F5: variants seen among roughly 807,000 people sequenced by gnomAD.
F5 encodes coagulation factor V.
Under a neutral mutation model 216.4 loss-of-function variants are expected in F5, and 138 were observed. The observed-to-expected ratio is 0.64, with a 90% CI of 0.56 to 0.73. The LOEUF is 0.73. Ranked by LOEUF, F5 falls within the 30% of genes least tolerant of loss-of-function variation. The pLI is 0.00. For synonymous variants in F5, 916 were observed against 930.7 expected (o/e 0.98, Z 0.29); for missense variants, 2,403 against 2,674.0 (o/e 0.90, Z 2.24).
At position 169,550,032 on chromosome 1, in the gene F5, T is replaced by C; in HGVS notation, c.1397-17A>G. 6 of 1,605,364 alleles carry C rather than the reference T, an allele frequency of 3.7e-6. No individual in the cohort carries two copies. The highest frequency in any genetic ancestry group is 5.1e-6 in the Non-Finnish European group (6 of 1,172,906). ...TGTTCCTGCCTGAAAGAAAATATATTCAAAATTGTTTTCATTTGCAAAGTT... is the reference window on the plus strand; with the variant it reads ...TGTTCCTGCCTGAAAGAAAATATATCCAAAATTGTTTTCATTTGCAAAGTT... On this transcript the variant is annotated splice_polypyrimidine_tract_variant and intron_variant, in intron 9 of 24. Coordinates refer to ENST00000367797, the MANE Select transcript of F5 (RefSeq NM_000130.5).
rs79186925 is a variant in F5, at chr1:169,546,698, T to C, written c.1612-106A>G. On this transcript the variant is annotated intron_variant, in intron 10 of 24. Coordinates refer to ENST00000367797, the MANE Select transcript of F5 (RefSeq NM_000130.5). ...GCTGCGCACCTACAACTATCTGATC[T>C]GTGACAAAAGCAAGCAATAGGGAAA... The C allele has an allele frequency of 0.24, 245,422 of 1,010,376 alleles. 31,401 individuals are homozygous for C. Among genetic ancestry groups the C allele is most frequent in the Admixed American group, 0.39 (21,167 of 54,466 alleles). 62.6% of individuals were successfully genotyped at this position (1,010,376 alleles called of 1,614,324 possible).
intron 3 of F5, among the ~76,000 whole-genome samples, chr1:169,570,619 C>T (rs1660701318): frequency 6.6e-6 from 1 of 152,086 alleles, no homozygotes; most frequent in African/African-American, 2.4e-5. Context: ...GAAGGTAGTT[C>T]ATTGACCTAT....
intron 4 of F5, 36 bp from the exon 5 acceptor site, chr1:169,559,332 A>G: frequency 6.2e-7 from 1 of 1,611,596 alleles, no homozygotes; most frequent in Non-Finnish European, 8.5e-7. Flanking sequence ...GTAGCACTGC[A>G]GATAGAAGAC....
At chr1:169,525,530 G>A (rs1571562407) in intron 18 of F5, among the ~76,000 whole-genome samples, 1 of 152,174 alleles carries the variant, frequency 6.6e-6, no homozygotes, top group African/African-American at 2.4e-5. Context: ...CAGATGGACA[G>A]ATGAAAACTG....
chr1:169,567,886 T>C (rs1164792691), intron 3 of F5, among the ~76,000 whole-genome samples: 1 of 152,106 alleles, frequency 6.6e-6, no homozygotes, highest in Non-Finnish European at 1.5e-5. Context: ...TAGAACACAC[T>C]GTCAATCTGG....
Position 169,568,725 on chromosome 1 carries a change from T to C in F5, c.373+3496A>G, listed in dbSNP as rs147977922. ...TCAGTCGATAGTCAGCTTTGTATTG[T>C]ATTTATTCTTGTCATGATGTACTAA... On this transcript the variant is annotated intron_variant, in intron 3 of 24. Transcript: ENST00000367797. Among the ~76,000 whole-genome samples the C allele has an allele frequency of 3.9e-4, 59 of 152,244 alleles. No individual in the cohort carries two copies. The East Asian group carries it at 0.011, about 28-fold the overall frequency.
intron 3 of F5, among the ~76,000 whole-genome samples, chr1:169,569,481 G>A (rs138482806): frequency 8.9e-4 from 136 of 152,056 alleles, no homozygotes; most frequent in African/African-American, 3.0e-3. Context: ...TGACCAAAAC[G>A]ACTTTGAAAA....
At chr1:169,555,026 G>A (rs745893079) in intron 7 of F5, among the ~76,000 whole-genome samples, 156 bp downstream of exon 7, 1 of 152,094 alleles carries the variant, frequency 6.6e-6, no homozygotes, top group Non-Finnish European at 1.5e-5. Flanking sequence ...GGTGATTTGG[G>A]GGTAATTCAA....
Position 169,556,630 on chromosome 1 carries a change from C to A in F5, c.952+16G>T, listed in dbSNP as rs1488790341. ...ATTCTGCATTGAGAAGCAAGACTGTCAGGAGAGTTTCTTGCCTTGCAAATG... is the reference window on the plus strand; with the variant it reads ...ATTCTGCATTGAGAAGCAAGACTGTAAGGAGAGTTTCTTGCCTTGCAAATG... On this transcript the variant is annotated intron_variant, in intron 6 of 24. Coordinates refer to ENST00000367797, the MANE Select transcript of F5 (RefSeq NM_000130.5). 2.5e-6 allele frequency: 4 copies of A among 1,612,224 alleles called. No homozygotes were observed. Among genetic ancestry groups the A allele is most frequent in the South Asian group, 1.1e-5 (1 of 91,028 alleles).
At chr1:169,548,632 C>G (rs1277242138) in intron 10 of F5, among the ~76,000 whole-genome samples, 3 of 152,138 alleles carry the variant, frequency 2.0e-5, no homozygotes, top group African/African-American at 7.2e-5. Context: ...CTTTGGGAGG[C>G]TGAGGCAGGT....
chr1:169,551,723 A>C (rs1164737015), intron 8 of F5, among the ~76,000 whole-genome samples: 1 of 152,226 alleles, frequency 6.6e-6, no homozygotes, highest in East Asian at 1.9e-4. Flanking sequence ...TTGATTGTCA[A>C]AGCCTTTGGA....
intron 2 of F5, among the ~76,000 whole-genome samples, chr1:169,573,459 C>T (rs181767399): frequency 3.9e-5 from 6 of 152,168 alleles, no homozygotes; most frequent in South Asian, 4.1e-4. Flanking sequence ...TGTAGCAGAA[C>T]GTGATGAGTA....
At position 169,556,821 on chromosome 1, in the gene F5, T is replaced by C. The variant is rs745780860; in HGVS notation, c.777A>G (p.Gly259=). The C allele has an allele frequency of 6.2e-7, 1 of 1,614,010 alleles. No individual in the cohort carries two copies. The highest frequency in any genetic ancestry group is 2.2e-5 in the East Asian group (1 of 44,876). ...AGAATAATTCTGGCCCCGAGCTCAT[T>C]CCCAGCAGATGCCAGCTGATGTGGT... ...AHDHISWHLL[G]MSSGPELFSI... is the part of the protein sequence containing the mutation. Residue 259 remains glycine, a synonymous_variant, in exon 6 of 25, where the codon GGA becomes GGG. Transcript: ENST00000367797.
At position 169,555,198 on chromosome 1, in the gene F5, G is replaced by C. The variant is rs758077715; in HGVS notation, c.1102C>G (p.Pro368Ala). 6.2e-7 allele frequency: 1 copy of C among 1,614,022 alleles called. No individual in the cohort carries two copies. The highest frequency in any genetic ancestry group is 8.5e-7 in the Non-Finnish European group (1 of 1,179,974). Residue 368 changes from proline (P) to alanine (A), a missense_variant, in exon 7 of 25, where the codon CCA (proline) becomes GCA (alanine). Physicochemically the swap from Pro to Ala is conservative, Grantham distance 27. Coordinates refer to ENST00000367797, the MANE Select transcript of F5 (RefSeq NM_000130.5). The part of the protein sequence containing the change: ...EVIWDYAPVI[P>A]ANMDKKYRSQ... The stretch of plus-strand genomic sequence containing the variant: ...ACAACTCACTTGTCCATATTCGCTG[G>C]TATTACAGGTGCATAGTCCCAAATG...
At chr1:169,582,961 T>C (rs1266517487) in intron 1 of F5, among the ~76,000 whole-genome samples, 2 of 152,224 alleles carry the variant, frequency 1.3e-5, no homozygotes, top group African/African-American at 4.8e-5. Context: ...TGGTGGAATT[T>C]ATTTCTAGTT....
Position 169,515,546 on chromosome 1 carries a change from C to T in F5, c.6426G>A (p.Lys2142=). 2 of 1,613,564 alleles carry T rather than the reference C, an allele frequency of 1.2e-6. No individual in the cohort carries two copies. The highest frequency in any genetic ancestry group is 8.5e-7 in the Non-Finnish European group (1 of 1,179,674). Residue 2142 remains lysine, a synonymous_variant, in exon 24 of 25, where the codon AAG becomes AAA. Coordinates refer to ENST00000367797, the MANE Select transcript of F5 (RefSeq NM_000130.5). The part of the protein sequence containing the change: ...KITAIITQGC[K]SLSSEMYVKS... ...TTACATACATTTCAGAGGACAGAGA[C>T]TTGCAGCCCTGTGTTATAATTGCCG...
At position 169,542,273 on chromosome 1, in the gene F5, T is replaced by A. The variant is rs1659876011; in HGVS notation, c.2817A>T (p.Ser939=). 2.5e-6 allele frequency: 4 copies of A among 1,613,994 alleles called. No homozygotes were observed. Among genetic ancestry groups the A allele is most frequent in the Admixed American group, 3.3e-5 (2 of 59,992 alleles). ...GCCATCTCCCAACCAAAATCTTAGA[T>A]GAGTTACTTTGTTTTAAGAGTAACA... ...SDLLLLKQSN[S]SKILVGRWHL... The change falls in exon 13 of 25, where the codon TCA becomes TCT. Residue 939 remains serine, a synonymous_variant. Transcript: ENST00000367797.
chr1:169,560,462 G>A, intron 4 of F5, 92 bp downstream of exon 4: 1 of 1,260,022 alleles, frequency 7.9e-7, no homozygotes, highest in Non-Finnish European at 1.2e-6. Flanking sequence ...TGTACAAGAA[G>A]TTACCAAGAT....
intron 1 of F5, among the ~76,000 whole-genome samples, chr1:169,583,359 G>T (rs981991137): frequency 1.3e-5 from 2 of 152,166 alleles, no homozygotes; most frequent in Non-Finnish European, 2.9e-5. Flanking sequence ...TCCTAATGTG[G>T]GGACAGTGGC....
Sources: gnomAD v4.1 joint callset for allele counts (sites outside exome capture counted in the v4.1 genomes callset) on GRCh38, gnomAD v4.1.1 for gene constraint, MANE v1.5 for transcripts, NCBI Gene and HGNC (gene_info 2026-07-23, HGNC 2026-07-21) for gene names.